SLC24A2: variants seen among roughly 807,000 people sequenced by gnomAD.
The protein encoded by SLC24A2 is sodium/potassium/calcium exchanger 2.
SLC24A2 carries 36 observed loss-of-function variants against 62.0 expected under a neutral mutation model. The ratio of observed to expected loss-of-function variants is 0.58; its 90% CI spans 0.44 to 0.77. The LOEUF (loss-of-function observed/expected upper bound fraction) is 0.77. SLC24A2 is among the 30% of genes least tolerant of loss of function. SLC24A2 has a pLI of 0.00. For synonymous variants in SLC24A2, 358 were observed against 294.0 expected, an observed-to-expected ratio of 1.22 and a Z score of -2.23; for missense variants, 846 against 817.9, an observed-to-expected ratio of 1.03 and a Z score of -0.42.
In SLC24A2 at chr9:19,789,004, C is replaced by T. The variant is rs1282450441; in HGVS notation, c.-273G>A. On this transcript the variant is annotated 5_prime_UTR_variant, in exon 1 of 11. Transcript: ENST00000341998. ...GGGCTCTGGCTCGCACTGGCTGCCG[C>T]TCTCGCCAGCCGGGCTGGGTTCGGG... 5.3e-6 allele frequency: 5 copies of T among 940,794 alleles called. No individual in the cohort carries two copies. The South Asian group carries it at 2.0e-4, about 37-fold the overall frequency. The allele number at this position is 940,794 out of a possible 1,614,324, so 58.3% of individuals were successfully genotyped here.
chr9:20,071,226 G>A, the SLC24A2 span, among the ~76,000 whole-genome samples: 1 of 151,928 alleles, frequency 6.6e-6, no homozygotes, highest in East Asian at 1.9e-4. Context: ...CCCAGTCTCA[G>A]GTAGTTTTTT....
In SLC24A2 at chr9:19,677,475, A is replaced by C. The variant is rs376657679; in HGVS notation, c.931-55176T>G. 2.0e-5 allele frequency among the ~76,000 whole-genome samples: 3 copies of C among 152,306 alleles called. No homozygotes were observed. The East Asian group carries it at 5.8e-4, about 29-fold the overall frequency. On this transcript the variant is annotated intron_variant, in intron 2 of 10. Coordinates refer to ENST00000341998, the MANE Select transcript of SLC24A2 (RefSeq NM_020344.4). ...GGTAGAGTATTAGGAAAAATAACTA[A>C]TAGGTACCAGGTTTAATACCTGGGT... is the stretch of plus-strand genomic sequence containing the variant.
At chr9:19,554,835 T>C (rs1008866399) in intron 7 of SLC24A2, among the ~76,000 whole-genome samples, 2 of 152,182 alleles carry the variant, frequency 1.3e-5, no homozygotes, top group Non-Finnish European at 2.9e-5. Flanking sequence ...GGGCCATTCG[T>C]GCCCTGGACT....
the SLC24A2 span, among the ~76,000 whole-genome samples, chr9:20,236,584 C>G: frequency 4.4e-4 from 67 of 152,294 alleles, no homozygotes; most frequent in Non-Finnish European, 5.9e-4. Context: ...GAGAGACATA[C>G]TGAGCAGGTT....
At chr9:20,000,894 C>A in the SLC24A2 span, among the ~76,000 whole-genome samples, 3 of 152,154 alleles carry the variant, frequency 2.0e-5, no homozygotes, top group East Asian at 5.8e-4. Flanking sequence ...GTGTGGAGGA[C>A]GGAAGGAGGC....
At chr9:20,178,735 A>G in the SLC24A2 span, among the ~76,000 whole-genome samples, 1 of 152,190 alleles carries the variant, frequency 6.6e-6, no homozygotes, top group African/African-American at 2.4e-5. Context: ...CATGTCTCAT[A>G]AAAGAGAAAC....
At chr9:19,516,442 C>G (rs191832503) in intron 10 of SLC24A2, 40 bp from the exon 11 acceptor site, 11 of 1,609,298 alleles carry the variant, frequency 6.8e-6, no homozygotes, top group Admixed American at 1.7e-5. Flanking sequence ...AGTGGGAAGA[C>G]AAGGGAGTAG....
In SLC24A2 at chr9:19,786,035, C is replaced by T. The variant is rs1267656135; in HGVS notation, c.832G>A (p.Val278Ile). ...LLLTAYFCYV[V>I]FMKFNVQVEK... ...ACTTGGACGTTGAATTTCATGAAAA[C>T]CACATAGCAAAAATAAGCTGTTAAG... The change falls in exon 2 of 11, where the codon GTT becomes ATT. Residue 278 changes from valine (V) to isoleucine (I), a missense_variant. Physicochemically the swap from Val to Ile is conservative, Grantham distance 29. Transcript: ENST00000341998. The surrounding 1 kb of genome is among the most constrained non-coding windows in gnomAD (Gnocchi z 5.0). The T allele has an allele frequency of 6.2e-7, 1 of 1,614,126 alleles. No homozygotes were observed. The highest frequency in any genetic ancestry group is 1.3e-5 in the African/African-American group (1 of 75,046).
At chr9:20,173,006 A>T in the SLC24A2 span, among the ~76,000 whole-genome samples, 1 of 152,112 alleles carries the variant, frequency 6.6e-6, no homozygotes, top group East Asian at 1.9e-4. Flanking sequence ...GTTTCATACC[A>T]GGGTTGCAGA....
At chr9:19,746,036 A>C (rs1427931255) in intron 2 of SLC24A2, among the ~76,000 whole-genome samples, 1 of 152,092 alleles carries the variant, frequency 6.6e-6, no homozygotes, top group African/African-American at 2.4e-5. Flanking sequence ...CTACAGAAGA[A>C]AGTAAAAAAT....
chr9:20,255,528 G>C, the SLC24A2 span, among the ~76,000 whole-genome samples: 1 of 152,194 alleles, frequency 6.6e-6, no homozygotes, highest in Non-Finnish European at 1.5e-5. Context: ...TCTGAGGCAG[G>C]AGGATCCACT....
the SLC24A2 span, among the ~76,000 whole-genome samples, chr9:19,977,201 T>C: frequency 2.6e-5 from 4 of 151,242 alleles, no homozygotes; most frequent in East Asian, 7.8e-4. Context: ...AAATGGAAAT[T>C]GGTGATTCTG....
At chr9:19,798,245 C>G in the SLC24A2 span, among the ~76,000 whole-genome samples, 2 of 152,022 alleles carry the variant, frequency 1.3e-5, no homozygotes, top group African/African-American at 4.8e-5. Context: ...ATAAATTACA[C>G]TTGTATTTGC....
the SLC24A2 span, among the ~76,000 whole-genome samples, chr9:20,136,244 T>C: frequency 6.6e-6 from 1 of 152,124 alleles, no homozygotes; most frequent in East Asian, 1.9e-4. Context: ...CATATCTCAT[T>C]CAGTATTGAT....
chr9:20,078,796 A>G, the SLC24A2 span, among the ~76,000 whole-genome samples: 1 of 152,158 alleles, frequency 6.6e-6, no homozygotes, highest in African/African-American at 2.4e-5. Context: ...ATCCTCATCA[A>G]AAAGCATTCC....
intron 8 of SLC24A2, among the ~76,000 whole-genome samples, chr9:19,531,238 T>C (rs1303438824): frequency 2.4e-4 from 36 of 152,222 alleles, no homozygotes; most frequent in Admixed American, 2.2e-3. Flanking sequence ...ATCACTTCTT[T>C]CATTTTTCTT....
At chr9:20,094,941 G>C in the SLC24A2 span, among the ~76,000 whole-genome samples, 1 of 152,012 alleles carries the variant, frequency 6.6e-6, no homozygotes, top group Non-Finnish European at 1.5e-5. Context: ...TCAAGTTTGG[G>C]TGTAGTAGTT....
At chr9:19,761,264 A>G (rs1378850860) in intron 2 of SLC24A2, among the ~76,000 whole-genome samples, 1 of 152,008 alleles carries the variant, frequency 6.6e-6, no homozygotes, top group African/African-American at 2.4e-5. Flanking sequence ...GAACTAATTT[A>G]CACTCCCACC....
chr9:19,634,551 G>C (rs1474383530), intron 2 of SLC24A2, among the ~76,000 whole-genome samples: 1 of 152,112 alleles, frequency 6.6e-6, no homozygotes, highest in African/African-American at 2.4e-5. Flanking sequence ...GCCTCCCAAA[G>C]TGCCGGGATT....
Sources: gnomAD v4.1 joint callset for allele counts (sites outside exome capture counted in the v4.1 genomes callset) on GRCh38, gnomAD v4.1.1 for gene constraint, Gnocchi (gnomAD v3.1) non-coding constraint, MANE v1.5 for transcripts, NCBI Gene and HGNC (gene_info 2026-07-23, HGNC 2026-07-21) for gene names.